Variants in ARHGEF12 observed in about 807,000 individuals in gnomAD.
The protein encoded by ARHGEF12 is KMT2A/ARHGEF12 fusion protein.
Under a neutral mutation model 211.2 loss-of-function variants are expected in ARHGEF12, and 66 were observed. That is an observed-to-expected ratio of 0.31 (90% confidence interval 0.26 to 0.38). The LOEUF (loss-of-function observed/expected upper bound fraction) is 0.38, where lower values mean the gene tolerates loss of function less well. ARHGEF12 is among the 10% of genes least tolerant of loss of function. The probability of loss-of-function intolerance (pLI) is 1.00; values close to 1 mark genes in which losing one functional copy is unlikely to be tolerated. For missense variants in ARHGEF12, 1,429 were observed against 1,869.5 expected, an observed-to-expected ratio of 0.76 and a Z score of 4.34; for synonymous variants, 592 against 638.4, an observed-to-expected ratio of 0.93 and a Z score of 1.09.
At position 120,442,550 on chromosome 11, in the gene ARHGEF12, A is replaced by G. The variant is rs143727098; in HGVS notation, c.1302+348A>G. 6.0e-3 allele frequency among the ~76,000 whole-genome samples: 915 copies of G among 152,034 alleles called. 8 individuals are homozygous for G. The highest frequency in any genetic ancestry group is 0.022 in the African/African-American group (892 of 41,456). On this transcript the variant is annotated intron_variant, in intron 15 of 40. Transcript: ENST00000397843. ...AAAAAGGGAATACATATATATTAAG[A>G]CCCAAGGAATAATACTTGAATAACT...
intron 7 of ARHGEF12, among the ~76,000 whole-genome samples, chr11:120,425,999 C>T (rs943860884): frequency 4.6e-5 from 7 of 152,038 alleles, no homozygotes; most frequent in African/African-American, 1.7e-4. Context: ...TTTTTCTTGG[C>T]CTTTTTACTG....
At chr11:120,399,212 T>G (rs1944476080) in intron 1 of ARHGEF12, among the ~76,000 whole-genome samples, 1 of 148,302 alleles carries the variant, frequency 6.7e-6, no homozygotes, top group East Asian at 2.0e-4. Context: ...CCTACCTACT[T>G]AGGAGGCTAA....
Position 120,449,199 on chromosome 11 carries a change from C to G in ARHGEF12, c.1828C>G (p.His610Asp). The change falls in exon 21 of 41, where the codon CAT (histidine) becomes GAT (aspartate). Residue 610 changes from histidine to aspartate, a missense_variant. Physicochemically the swap from His to Asp is moderately conservative, Grantham distance 81 (BLOSUM62 -1). Around this residue, in one of 7 missense-constraint regions of ARHGEF12, gnomAD observed 373 missense variants for 467.5 expected, o/e 0.80. Transcript: ENST00000397843. ...ILGPPRRPSR[H>D]DNSAIGRAME... ...GGGACCCCCACGGAGACCAAGCCGTCATGACAACAGTGCAAGTATGTTGAA... is the reference window on the plus strand; with the variant it reads ...GGGACCCCCACGGAGACCAAGCCGTGATGACAACAGTGCAAGTATGTTGAA... The G allele has an allele frequency of 1.2e-6, 2 of 1,614,096 alleles. No individual in the cohort carries two copies. The highest frequency in any genetic ancestry group is 1.7e-6 in the Non-Finnish European group (2 of 1,179,964).
intron 5 of ARHGEF12, among the ~76,000 whole-genome samples, chr11:120,421,320 A>G (rs1591569558): frequency 6.6e-6 from 1 of 151,636 alleles, no homozygotes; most frequent in African/African-American, 2.4e-5. Flanking sequence ...TCCCCATTTT[A>G]TAGGTGATAT....
chr11:120,445,304 C>T, intron 15 of ARHGEF12, 118 bp from the exon 16 acceptor site: 1 of 917,992 alleles, frequency 1.1e-6, no homozygotes, highest in Admixed American at 1.8e-5. Context: ...TGAGCTTGTA[C>T]TTGATTGTGC....
rs1945882428 is a variant in ARHGEF12, at chr11:120,442,046, C to A, written c.1204-58C>A. 3.9e-6 allele frequency: 5 copies of A among 1,289,226 alleles called. No homozygotes were observed. In the African/African-American group the frequency reaches 4.5e-5, roughly 11 times the overall value. 79.9% of individuals were successfully genotyped at this position (1,289,226 alleles called of 1,614,324 possible). ...ACATTCCTACTCAATGGTGACCTAGCAAATTACATTTTTCATGGTTCCTCA... is the reference window on the plus strand; with the variant it reads ...ACATTCCTACTCAATGGTGACCTAGAAAATTACATTTTTCATGGTTCCTCA... On this transcript the variant is annotated intron_variant, in intron 14 of 40. Coordinates refer to ENST00000397843, the MANE Select transcript of ARHGEF12 (RefSeq NM_015313.3).
chr11:120,474,681 G>A, intron 32 of ARHGEF12, 46 bp downstream of exon 32: 1 of 1,471,612 alleles, frequency 6.8e-7, no homozygotes, highest in Non-Finnish European at 9.3e-7. Context: ...TGGCAAAAGG[G>A]AAGGAATAGG....
intron 3 of ARHGEF12, chr11:120,409,193 C>G: frequency 1.9e-6 from 1 of 539,050 alleles, no homozygotes; most frequent in Non-Finnish European, 3.3e-6. Flanking sequence ...ATTGCACTGT[C>G]TTTTCTTCGA....
At position 120,469,311 on chromosome 11, in the gene ARHGEF12, G is replaced by T; in HGVS notation, c.2878G>T (p.Val960Leu). ...YTEWPTEREKVKKAADHCRQI... is the reference protein window; with the variant it reads ...YTEWPTEREKLKKAADHCRQI... Reference sequence around the variant, plus strand: ...AGAATGGCCAACAGAAAGGGAGAAGGTGAAGAAAGCTGCAGATCACTGTCG... The same window carrying T: ...AGAATGGCCAACAGAAAGGGAGAAGTTGAAGAAAGCTGCAGATCACTGTCG... Residue 960 changes from valine (V) to leucine (L), a missense_variant, in exon 30 of 41, where the codon GTG (valine) becomes TTG (leucine). This residue lies in a region of ARHGEF12 where 223 missense variants were observed against 444.6 expected (regional missense o/e 0.50). Coordinates refer to ENST00000397843, the MANE Select transcript of ARHGEF12 (RefSeq NM_015313.3). 6.2e-7 allele frequency: 1 copy of T among 1,613,238 alleles called. No individual in the cohort carries two copies. Among genetic ancestry groups the T allele is most frequent in the Non-Finnish European group, 8.5e-7 (1 of 1,179,546 alleles).
At chr11:120,352,463 G>GT (rs1943012653) in intron 1 of ARHGEF12, among the ~76,000 whole-genome samples, 2 of 152,188 alleles carry the variant, frequency 1.3e-5, no homozygotes, top group Non-Finnish European at 2.9e-5. Context: ...ATCTGCGTGT[G>GT]TTTAAGTGGC....
At chr11:120,474,036 T>A (rs1177034859) in intron 31 of ARHGEF12, among the ~76,000 whole-genome samples, 2 of 152,208 alleles carry the variant, frequency 1.3e-5, no homozygotes, top group Non-Finnish European at 2.9e-5. Flanking sequence ...GAATGAGAGT[T>A]TTCTAGAGCT....
chr11:120,416,475 AT>A (rs1945029756), intron 4 of ARHGEF12, among the ~76,000 whole-genome samples: 1 of 152,142 alleles, frequency 6.6e-6, no homozygotes, highest in African/African-American at 2.4e-5. Context: ...CAGTATGCAT[AT>A]TTAGGAAAAG....
In ARHGEF12 at chr11:120,337,064, T is replaced by C. The variant is rs1016490802; in HGVS notation, c.-180T>C. On this transcript the variant is annotated 5_prime_UTR_variant, in exon 1 of 41. Coordinates refer to ENST00000397843, the MANE Select transcript of ARHGEF12 (RefSeq NM_015313.3). Reference sequence around the variant, plus strand: ...CGTTTTGGGAGATAACTTGTTTTGCTCCAAGCCGCATCCGTTGACCCCTTA... The same window carrying C: ...CGTTTTGGGAGATAACTTGTTTTGCCCCAAGCCGCATCCGTTGACCCCTTA... The C allele has an allele frequency of 5.8e-6, 4 of 693,552 alleles. No individual in the cohort carries two copies. Among genetic ancestry groups the C allele is most frequent in the Non-Finnish European group, 1.0e-5 (4 of 397,234 alleles). The allele number at this position is 693,552 out of a possible 1,614,324, so 43.0% of individuals were successfully genotyped here.
At position 120,485,501 on chromosome 11, in the gene ARHGEF12, G is replaced by C. The variant is rs887931505; in HGVS notation, c.*424G>C. 4.1e-6 allele frequency: 1 copy of C among 244,324 alleles called. No individual in the cohort carries two copies. Among genetic ancestry groups the C allele is most frequent in the Non-Finnish European group, 8.0e-6 (1 of 124,810 alleles). The allele number at this position is 244,324 out of a possible 1,614,324, so 15.1% of individuals were successfully genotyped here. A position where few individuals can be genotyped will look rare whatever the true frequency, so the allele number is the denominator to read the frequency against. ...TTTTAATTGAGTAGTGAGAGTTTTA[G>C]ACCTTTGTCTTTAGTACACCCAAGG... On this transcript the variant is annotated 3_prime_UTR_variant, in exon 41 of 41. Transcript: ENST00000397843.
rs529488884 is a variant in ARHGEF12, at chr11:120,446,805, C to T, written c.1452-143C>T. 3,398 of 1,002,916 alleles carry T rather than the reference C, an allele frequency of 3.4e-3. 14 individuals are homozygous for T. The highest frequency in any genetic ancestry group is 4.2e-3 in the Non-Finnish European group (2,967 of 701,924). 62.1% of individuals were successfully genotyped at this position (1,002,916 alleles called of 1,614,324 possible). A position where few individuals can be genotyped will look rare whatever the true frequency, so the allele number is the denominator to read the frequency against. On this transcript the variant is annotated intron_variant, in intron 17 of 40. Coordinates refer to ENST00000397843, the MANE Select transcript of ARHGEF12 (RefSeq NM_015313.3). Reference sequence around the variant, plus strand: ...CTTCTAGAATTTTTTCCTCTGGTATCCTAGATGACATGGACCCATAAGTGG... The same window carrying T: ...CTTCTAGAATTTTTTCCTCTGGTATTCTAGATGACATGGACCCATAAGTGG...
Position 120,480,012 on chromosome 11 carries a change from C to T in ARHGEF12, c.3819C>T (p.Ser1273=), listed in dbSNP as rs370971203. The T allele has an allele frequency of 6.2e-6, 10 of 1,613,902 alleles. No homozygotes were observed. Among genetic ancestry groups the T allele is most frequent in the Non-Finnish European group, 6.8e-6 (8 of 1,180,022 alleles). ...AACAGCTAGGTTTGACTGAGAAGAG[C>T]GTTCAGGAAGACTGGCAACATTTCC... ...LVQQLGLTEK[S]VQEDWQHFPR... is the part of the protein sequence containing the mutation. The change falls in exon 38 of 41, where the codon AGC becomes AGT. Residue 1273 remains serine, a synonymous_variant. Transcript: ENST00000397843.
At chr11:120,378,453 T>A (rs1943791325) in intron 1 of ARHGEF12, among the ~76,000 whole-genome samples, 1 of 152,218 alleles carries the variant, frequency 6.6e-6, no homozygotes, top group Non-Finnish European at 1.5e-5. Context: ...TCCTTAACAA[T>A]GTCTTTCAAA....
At position 120,489,167 on chromosome 11, in the gene ARHGEF12, T is replaced by C. The variant is rs529907499; in HGVS notation, c.*4090T>C. On this transcript the variant is annotated 3_prime_UTR_variant, in exon 41 of 41. Coordinates refer to ENST00000397843, the MANE Select transcript of ARHGEF12 (RefSeq NM_015313.3). ...AGACATCTTCCTGCTTATTAGAGCATCCCTAGCAACAAGGCTAAACCTTCA... is the reference window on the plus strand; with the variant it reads ...AGACATCTTCCTGCTTATTAGAGCACCCCTAGCAACAAGGCTAAACCTTCA... 1 of 227,284 alleles carries C rather than the reference T, an allele frequency of 4.4e-6. No homozygotes were observed. Among genetic ancestry groups the C allele is most frequent in the African/African-American group, 2.2e-5 (1 of 44,970 alleles). 14.1% of individuals were successfully genotyped at this position (227,284 alleles called of 1,614,324 possible).
chr11:120,366,836 G>A (rs943780887), intron 1 of ARHGEF12, among the ~76,000 whole-genome samples: 7 of 152,110 alleles, frequency 4.6e-5, no homozygotes, highest in African/African-American at 1.7e-4. Flanking sequence ...CTAACATGGC[G>A]AAACCCCATC....
Sources: allele counts gnomAD v4.1 joint callset (sites outside exome capture counted in the v4.1 genomes callset), GRCh38; gene constraint gnomAD v4.1.1; regional missense constraint gnomAD v4.1.1; transcripts MANE v1.5; gene names NCBI Gene and HGNC (gene_info 2026-07-23, HGNC 2026-07-21).